The following CFAP52 variants were observed in gnomAD, a reference collection of about 807,000 sequenced individuals.
CFAP52 encodes the protein cilia and flagella associated protein 52.
CFAP52 carries 57 observed loss-of-function variants against 70.5 expected under a neutral mutation model. That is an observed-to-expected ratio of 0.81 (90% CI 0.65 to 1.01). The LOEUF (loss-of-function observed/expected upper bound fraction) is 1.01. Among genes scored for constraint, CFAP52 ranks in the 50% least tolerant of loss-of-function variants. The pLI, the probability that CFAP52 is intolerant of heterozygous loss-of-function variation, is 0.00. For synonymous variants in CFAP52, 267 were observed against 292.5 expected (o/e 0.91, Z 0.89); for missense variants, 785 against 788.5 (o/e 1.00, Z 0.05).
Position 9,576,701 on chromosome 17 carries a change from T to C in CFAP52, c.6T>C (p.Asp2=). Residue 2 remains aspartate, a synonymous_variant, in exon 1 of 14, where the codon GAT becomes GAC. Transcript: ENST00000352665. M[D]NKISPEAQVA... ...GTAATCAGAACCTCCCAAGGATGGATAACAAAATTTCGCCGGAGGCCCAAG... is the reference window on the plus strand; with the variant it reads ...GTAATCAGAACCTCCCAAGGATGGACAACAAAATTTCGCCGGAGGCCCAAG... 1 of 1,612,008 alleles carries C rather than the reference T, an allele frequency of 6.2e-7. No homozygotes were observed. The highest frequency in any genetic ancestry group is 1.1e-5 in the South Asian group (1 of 90,670).
rs1047081685 is a variant in CFAP52 at position 9,600,061 on chromosome 17, C to A, written c.637-6C>A. On this transcript the variant is annotated splice_polypyrimidine_tract_variant and splice_region_variant and intron_variant, in intron 5 of 13. Transcript: ENST00000352665. ...TGGCCAAGATTTCTTTTTCTTGCTTCTTCAGGTGGATGATGATGATAGCTT... is the reference window on the plus strand; with the variant it reads ...TGGCCAAGATTTCTTTTTCTTGCTTATTCAGGTGGATGATGATGATAGCTT... 1.2e-6 allele frequency: 2 copies of A among 1,612,636 alleles called. No homozygotes were observed. Among genetic ancestry groups the A allele is most frequent in the Admixed American group, 3.3e-5 (2 of 59,950 alleles).
chr17:9,608,067 T>C, intron 6 of CFAP52, 52 bp from the exon 7 acceptor site: 5 of 1,484,538 alleles, frequency 3.4e-6, no homozygotes, highest in Non-Finnish European at 4.6e-6. Flanking sequence ...CATTCTTTAG[T>C]GGTGATTTGT....
chr17:9,642,894 T>A (rs1339667593), intron 13 of CFAP52, 129 bp from the exon 14 acceptor site: 6 of 782,464 alleles, frequency 7.7e-6, no homozygotes, highest in Non-Finnish European at 1.1e-5. Flanking sequence ...ATTTTTATAA[T>A]CAAGTAAAAG....
At chr17:9,631,080 A>AAGAAAGAAAGAG (rs1567635036) in intron 9 of CFAP52, among the ~76,000 whole-genome samples, 5 of 68,510 alleles carry the variant, frequency 7.3e-5, no homozygotes, top group Non-Finnish European at 1.3e-4. Flanking sequence ...GAAAGAAAGA[A>AAGAAAGAAAGAG]AGAGAAAGAA....
intron 3 of CFAP52, chr17:9,590,480 C>A: frequency 5.5e-6 from 1 of 182,946 alleles, no homozygotes; most frequent in East Asian, 1.3e-4. Flanking sequence ...CAAACATTCT[C>A]ATGGCTTTGG....
At position 9,598,419 on chromosome 17, in the gene CFAP52, G is replaced by A. The variant is rs915205963; in HGVS notation, c.636+86G>A. On this transcript the variant is annotated intron_variant, in intron 5 of 13. Coordinates refer to ENST00000352665, the MANE Select transcript of CFAP52 (RefSeq NM_145054.5). ...CAAGGTGTTTGTGTGTGTGTACATG[G>A]GGCTGGGGATAGGAAAGTGGGGTAT... 49 of 1,141,522 alleles carry A rather than the reference G, an allele frequency of 4.3e-5. No individual in the cohort carries two copies. In the African/African-American group the frequency reaches 6.9e-4, roughly 16 times the overall value. The allele number at this position is 1,141,522 out of a possible 1,614,324, so 70.7% of individuals were successfully genotyped here.
chr17:9,615,371 C>T (rs758936347), intron 8 of CFAP52, among the ~76,000 whole-genome samples: 5 of 152,026 alleles, frequency 3.3e-5, no homozygotes, highest in Non-Finnish European at 7.4e-5. Flanking sequence ...AGTGTATTGT[C>T]TTTTTTCAAC....
At chr17:9,590,276 G>T in intron 3 of CFAP52, 1 of 189,884 alleles carries the variant, frequency 5.3e-6, no homozygotes, top group Non-Finnish European at 1.2e-5. Flanking sequence ...CCTTCTGGCG[G>T]GCCAAGGTGT....
rs557745934 is a variant in CFAP52 at position 9,586,759 on chromosome 17, A to G, written c.332A>G (p.Lys111Arg). The G allele has an allele frequency of 6.2e-7, 1 of 1,613,842 alleles. No homozygotes were observed. Among genetic ancestry groups the G allele is most frequent in the Non-Finnish European group, 8.5e-7 (1 of 1,179,940 alleles). Residue 111 changes from lysine to arginine, a missense_variant, in exon 3 of 14, where the codon AAA becomes AGA. Physicochemically the swap from Lys to Arg is conservative, Grantham distance 26. Coordinates refer to ENST00000352665, the MANE Select transcript of CFAP52 (RefSeq NM_145054.5). ...RELLARLSLH[K>R]GKIEALAFSP... ...CTGCTTGCTCGGCTGTCCCTTCACAAAGGCAAAATTGAAGCTCTGGCCTTT... is the reference window on the plus strand; with the variant it reads ...CTGCTTGCTCGGCTGTCCCTTCACAGAGGCAAAATTGAAGCTCTGGCCTTT...
rs752178735 is a variant in CFAP52, at chr17:9,633,019, G to A, written c.1306G>A (p.Gly436Ser). Residue 436 changes from glycine (G) to serine (S), a missense_variant, in exon 10 of 14, where the codon GGT (glycine) becomes AGT (serine). Gly to Ser is a moderately conservative substitution (Grantham distance 56, BLOSUM62 0). Coordinates refer to ENST00000352665, the MANE Select transcript of CFAP52 (RefSeq NM_145054.5). ...TGACTGTAAAAGGGTCATCAGTGGCGGTGGGGAAGGGGAGGTATTGAAAGC... is the reference window on the plus strand; with the variant it reads ...TGACTGTAAAAGGGTCATCAGTGGCAGTGGGGAAGGGGAGGTATTGAAAGC... ...TSDCKRVISG[G>S]GEGEVRVWQI... 15 of 1,613,708 alleles carry A rather than the reference G, an allele frequency of 9.3e-6. No individual in the cohort carries two copies. Among genetic ancestry groups the A allele is most frequent in the African/African-American group, 2.7e-5 (2 of 74,936 alleles).
chr17:9,598,260 AT>A lies in CFAP52; in HGVS notation c.564del (p.Leu189PhefsTer16). 6.2e-7 allele frequency: 1 copy of A among 1,612,296 alleles called. No homozygotes were observed. Among genetic ancestry groups the A allele is most frequent in the Non-Finnish European group, 8.5e-7 (1 of 1,179,720 alleles). On this transcript the variant is annotated frameshift_variant, in exon 5 of 14. Coordinates refer to ENST00000352665, the MANE Select transcript of CFAP52 (RefSeq NM_145054.5). LOFTEE classifies it high-confidence loss of function. ...GNGTIRVWEL[D>X]LPNRKIWPTE... ...GGGACAATTCGAGTATGGGAATTGG[AT>A]CTTCCAAATAGAAAAATCTGGCCAA...
chr17:9,584,653 C>T (rs1158883696), intron 1 of CFAP52, among the ~76,000 whole-genome samples: 1 of 151,824 alleles, frequency 6.6e-6, no homozygotes, highest in Non-Finnish European at 1.5e-5. Context: ...TGGAATTTTG[C>T]TCTTGTCAAC....
At chr17:9,578,194 C>G (rs777906711) in intron 1 of CFAP52, among the ~76,000 whole-genome samples, 5 of 152,226 alleles carry the variant, frequency 3.3e-5, no homozygotes, top group African/African-American at 9.6e-5. Flanking sequence ...GTGTATTGAA[C>G]AAACATTGAT....
Position 9,585,940 on chromosome 17 carries a change from G to C in CFAP52, c.238G>C (p.Ala80Pro). 1 of 1,613,622 alleles carries C rather than the reference G, an allele frequency of 6.2e-7. No individual in the cohort carries two copies. The highest frequency in any genetic ancestry group is 1.1e-5 in the South Asian group (1 of 91,060). Residue 80 changes from alanine to proline, a missense_variant, in exon 2 of 14, where the codon GCC (alanine) becomes CCC (proline). Transcript: ENST00000352665. ...LAISRSGEYI[A>P]SGQVTFMGFK... ...CATCTCCAGGTCTGGAGAGTACATC[G>C]CCTCCGGACAAGTCACATTCATGGG...
chr17:9,600,619 C>A (rs755344420), intron 6 of CFAP52, among the ~76,000 whole-genome samples: 3 of 152,124 alleles, frequency 2.0e-5, no homozygotes, highest in Non-Finnish European at 2.9e-5. Flanking sequence ...GGCTGGCGTG[C>A]AGTGGCGAGA....
In CFAP52 at chr17:9,628,827, T is replaced by C. The variant is rs377115961; in HGVS notation, c.1174+7T>C. 1.7e-5 allele frequency: 28 copies of C among 1,613,858 alleles called. No individual in the cohort carries two copies. Among genetic ancestry groups the C allele is most frequent in the Non-Finnish European group, 1.9e-5 (23 of 1,179,948 alleles). On this transcript the variant is annotated splice_region_variant and intron_variant, in intron 9 of 13. Coordinates refer to ENST00000352665, the MANE Select transcript of CFAP52 (RefSeq NM_145054.5). ...GGCAAAAGCATCATTTCAGGTAACG[T>C]CCACATGTCAAGATCTGGCTTGGGG... is the stretch of plus-strand genomic sequence containing the variant.
chr17:9,598,760 C>CAAGAAAAA (rs1909134157), intron 5 of CFAP52, among the ~76,000 whole-genome samples: 2 of 132,554 alleles, frequency 1.5e-5, no homozygotes, highest in South Asian at 2.4e-4. Context: ...CACTCTGTTT[C>CAAGAAAAA]AAAAAAAAAA....
intron 2 of CFAP52, among the ~76,000 whole-genome samples, chr17:9,586,244 G>A (rs1471535418): frequency 1.3e-5 from 2 of 152,044 alleles, no homozygotes; most frequent in Non-Finnish European, 2.9e-5. Context: ...TGTCATGTTT[G>A]TAGAACCTGA....
In CFAP52 at chr17:9,611,075, T is replaced by G. The variant is rs1909694500; in HGVS notation, c.855-1234T>G. On this transcript the variant is annotated intron_variant, in intron 7 of 13. Coordinates refer to ENST00000352665, the MANE Select transcript of CFAP52 (RefSeq NM_145054.5). ...GTTAGTGCAAGAACTGAGGTTTAAC[T>G]TGTCATCTTCCTTTCGTCATTAACT... 5.3e-5 allele frequency among the ~76,000 whole-genome samples: 8 copies of G among 152,332 alleles called. 1 individual carries two copies. The South Asian group carries it at 1.7e-3, about 32-fold the overall frequency.
Sources: allele counts gnomAD v4.1 joint callset (sites outside exome capture counted in the v4.1 genomes callset), GRCh38; gene constraint gnomAD v4.1.1; transcripts MANE v1.5; gene names NCBI Gene and HGNC (gene_info 2026-07-23, HGNC 2026-07-21).